The following PAPSS1 variants were observed in gnomAD, a reference collection of about 807,000 sequenced individuals.
PAPSS1 encodes the protein bifunctional 3'-phosphoadenosine 5'-phosphosulfate synthase 1.
Under a neutral mutation model 72.0 loss-of-function variants are expected in PAPSS1, and 50 were observed. That is an observed-to-expected ratio of 0.69 (90% confidence interval 0.55 to 0.88). The LOEUF (loss-of-function observed/expected upper bound fraction) is 0.88. Among genes scored for constraint, PAPSS1 ranks in the 40% least tolerant of loss-of-function variants. The pLI, the probability that PAPSS1 is intolerant of heterozygous loss-of-function variation, is 0.00. For synonymous variants in PAPSS1, 261 were observed against 263.6 expected, an observed-to-expected ratio of 0.99 and a Z score of 0.09; for missense variants, 657 against 782.2, an observed-to-expected ratio of 0.84 and a Z score of 1.91.
intron 9 of PAPSS1, among the ~76,000 whole-genome samples, chr4:107,648,220 A>G (rs1008669855): frequency 2.0e-5 from 3 of 152,220 alleles, no homozygotes; most frequent in African/African-American, 4.8e-5. Flanking sequence ...GAAAGTTAAG[A>G]AAGTTTTTCT....
At chr4:107,672,473 G>C (rs1361108418) in intron 5 of PAPSS1, among the ~76,000 whole-genome samples, 1 of 152,204 alleles carries the variant, frequency 6.6e-6, no homozygotes, top group Admixed American at 6.5e-5. Context: ...CTCATTGCTA[G>C]CACAGCAGTC....
chr4:107,681,679 G>T (rs2074377), intron 5 of PAPSS1, among the ~76,000 whole-genome samples: 27,520 of 152,074 alleles, frequency 0.18, 2,938 homozygotes, highest in East Asian at 0.37. Flanking sequence ...TACCTCAAAT[G>T]GAAAAATATA....
intron 1 of PAPSS1, among the ~76,000 whole-genome samples, chr4:107,710,174 T>C (rs1723449484): frequency 6.6e-6 from 1 of 152,190 alleles, no homozygotes; most frequent in South Asian, 2.1e-4. Context: ...ACCTCTAAAT[T>C]TCTATTCTTG....
chr4:107,692,094 C>T (rs758445492), intron 3 of PAPSS1, among the ~76,000 whole-genome samples: 3 of 151,964 alleles, frequency 2.0e-5, no homozygotes, highest in Admixed American at 6.6e-5. Context: ...AAACCCTAGA[C>T]GAAAATCTAG....
chr4:107,637,652 ATTT>A (rs1210059579), intron 10 of PAPSS1, among the ~76,000 whole-genome samples: 3 of 152,216 alleles, frequency 2.0e-5, no homozygotes, highest in Non-Finnish European at 4.4e-5. Context: ...ATCTGCATTT[ATTT>A]AAGTGTAATA....
At chr4:107,665,390 T>C (rs1445316186) in intron 5 of PAPSS1, among the ~76,000 whole-genome samples, 1 of 152,188 alleles carries the variant, frequency 6.6e-6, no homozygotes. Flanking sequence ...GCTATCCACT[T>C]TATTTGGGAT....
At chr4:107,658,963 A>G (rs1422121179) in intron 6 of PAPSS1, among the ~76,000 whole-genome samples, 1 of 152,234 alleles carries the variant, frequency 6.6e-6, no homozygotes, top group East Asian at 1.9e-4. Context: ...TTCCATTTAG[A>G]AAAAGCTACT....
intron 6 of PAPSS1, 23 bp downstream of exon 6, chr4:107,659,936 G>T: frequency 7.7e-7 from 1 of 1,304,022 alleles, no homozygotes; most frequent in Non-Finnish European, 1.1e-6. Context: ...ATCACTTAGT[G>T]TGAAAAGCAA....
intron 9 of PAPSS1, among the ~76,000 whole-genome samples, chr4:107,651,569 A>T (rs778279740): frequency 4.6e-5 from 7 of 152,186 alleles, no homozygotes; most frequent in Non-Finnish European, 8.8e-5. Context: ...GGAAGTGAAC[A>T]CATCCTTCTT....
At chr4:107,673,436 C>T (rs977476817) in intron 5 of PAPSS1, among the ~76,000 whole-genome samples, 7 of 151,920 alleles carry the variant, frequency 4.6e-5, no homozygotes, top group Non-Finnish European at 1.0e-4. Flanking sequence ...GTAGCCGATT[C>T]GATCAACTGG....
At chr4:107,652,512 T>C (rs1726867867) in intron 9 of PAPSS1, among the ~76,000 whole-genome samples, 2 of 152,220 alleles carry the variant, frequency 1.3e-5, no homozygotes. Context: ...CTGTAGCTTC[T>C]CTATTCCGCT....
chr4:107,620,796 T>C (rs533774593), intron 11 of PAPSS1, among the ~76,000 whole-genome samples: 39 of 152,158 alleles, frequency 2.6e-4, no homozygotes, highest in Non-Finnish European at 5.1e-4. Flanking sequence ...ACAGATTGAG[T>C]TGATAGTTTT....
At chr4:107,707,640 C>A (rs989365674) in intron 1 of PAPSS1, among the ~76,000 whole-genome samples, 30 of 152,160 alleles carry the variant, frequency 2.0e-4, no homozygotes, top group Admixed American at 8.5e-4. Context: ...AGGCTGGGGG[C>A]AGTAATATAG....
chr4:107,687,236 T>C (rs1430132877), intron 3 of PAPSS1, 59 bp from the exon 4 acceptor site: 7 of 1,297,302 alleles, frequency 5.4e-6, no homozygotes, highest in South Asian at 1.7e-5. Context: ...TATATTAATA[T>C]TAAAGATGAG....
chr4:107,646,377 CTT>C (rs1157533696), intron 9 of PAPSS1, among the ~76,000 whole-genome samples: 4 of 142,458 alleles, frequency 2.8e-5, no homozygotes, highest in Non-Finnish European at 3.1e-5. Context: ...GTTTTGTCCA[CTT>C]TTTTTTTTTT....
intron 5 of PAPSS1, among the ~76,000 whole-genome samples, chr4:107,672,425 G>A (rs187753200): frequency 5.3e-5 from 8 of 152,182 alleles, no homozygotes; most frequent in African/African-American, 1.2e-4. Context: ...ATTATATCCC[G>A]TGCCAGGCTC....
At chr4:107,653,009 T>C (rs1403683667) in intron 9 of PAPSS1, among the ~76,000 whole-genome samples, 1 of 151,838 alleles carries the variant, frequency 6.6e-6, no homozygotes, top group African/African-American at 2.4e-5. Flanking sequence ...ACTTCCAATA[T>C]ATGAATGTCA....
At chr4:107,662,918 C>T (rs1011015276) in intron 5 of PAPSS1, among the ~76,000 whole-genome samples, 1 of 152,106 alleles carries the variant, frequency 6.6e-6, no homozygotes, top group African/African-American at 2.4e-5. Context: ...AAGGACAATA[C>T]GATGTGCATT....
intron 10 of PAPSS1, among the ~76,000 whole-genome samples, chr4:107,632,173 C>T (rs949982742): frequency 6.6e-6 from 1 of 151,978 alleles, no homozygotes; most frequent in African/African-American, 2.4e-5. Context: ...CTACCAGATG[C>T]CATTTACACA....
Sources: allele counts gnomAD v4.1 joint callset (sites outside exome capture counted in the v4.1 genomes callset), GRCh38; gene constraint gnomAD v4.1.1; transcripts MANE v1.5; gene names NCBI Gene and HGNC (gene_info 2026-07-23, HGNC 2026-07-21).